Variants in ASH1L observed in about 807,000 individuals in gnomAD.
ASH1L encodes ASH1 like histone lysine methyltransferase.
ASH1L carries 23 observed loss-of-function variants against 269.0 expected under a neutral mutation model. The observed-to-expected ratio is 0.09, with a 90% CI of 0.06 to 0.12. The LOEUF (loss-of-function observed/expected upper bound fraction) is 0.12. Ranked by LOEUF, ASH1L falls within the 10% of genes least tolerant of loss-of-function variation. The pLI, the probability that ASH1L is intolerant of heterozygous loss-of-function variation, is 1.00. For synonymous variants in ASH1L, 1,187 were observed against 1,253.5 expected (o/e 0.95, Z 1.12); for missense variants, 2,912 against 3,567.8 (o/e 0.82, Z 4.68).
At chr1:155,509,214 T>A (rs1174650093) in intron 2 of ASH1L, among the ~76,000 whole-genome samples, 1 of 152,110 alleles carries the variant, frequency 6.6e-6, no homozygotes, top group Non-Finnish European at 1.5e-5. Flanking sequence ...GTGCCATGGC[T>A]CACACCTGTA....
chr1:155,428,295 G>A lies in ASH1L; in HGVS notation c.5828+10032C>T, dbSNP rs548880816. ...CTCTACTAAAAGTACAAAAAAATTA[G>A]CCGGGTGTGGTGGTGGGCGCCTCTA... On this transcript the variant is annotated intron_variant, in intron 5 of 27. Coordinates refer to ENST00000392403, the MANE Select transcript of ASH1L (RefSeq NM_018489.3). 2.5e-4 allele frequency among the ~76,000 whole-genome samples: 38 copies of A among 151,838 alleles called. No individual in the cohort carries two copies. The South Asian group carries it at 7.7e-3, about 31-fold the overall frequency.
intron 10 of ASH1L, among the ~76,000 whole-genome samples, chr1:155,377,526 T>C (rs1272682284): frequency 6.6e-6 from 1 of 151,954 alleles, no homozygotes; most frequent in East Asian, 1.9e-4. Flanking sequence ...GCCCAGGAGT[T>C]TGAATCCAGC....
intron 4 of ASH1L, among the ~76,000 whole-genome samples, chr1:155,443,296 C>T (rs1380414687): frequency 1.3e-5 from 2 of 152,150 alleles, no homozygotes; most frequent in African/African-American, 4.8e-5. Context: ...GGCCATTCAC[C>T]TAGAGCTATT....
chr1:155,446,150 C>T (rs1018045014), intron 4 of ASH1L, among the ~76,000 whole-genome samples: 2 of 151,148 alleles, frequency 1.3e-5, no homozygotes, highest in African/African-American at 2.4e-5. Flanking sequence ...TCCCAAACTG[C>T]TGGGATTACA....
At chr1:155,414,290 T>C (rs945134112) in intron 6 of ASH1L, among the ~76,000 whole-genome samples, 5 of 152,124 alleles carry the variant, frequency 3.3e-5, no homozygotes, top group Non-Finnish European at 4.4e-5. Flanking sequence ...TTTTATTTCC[T>C]ATAGCAAAAT....
Position 155,527,314 on chromosome 1 carries a change from A to G in ASH1L, c.-99-5696T>C, listed in dbSNP as rs193206607. 2.0e-5 allele frequency among the ~76,000 whole-genome samples: 3 copies of G among 152,122 alleles called. No homozygotes were observed. The East Asian group carries it at 5.8e-4, about 29-fold the overall frequency. On this transcript the variant is annotated intron_variant, in intron 1 of 27. Transcript: ENST00000392403. ...ATTGTTAGAATTCTCTATATTGTCT[A>G]TTCTCCCTGACCTCCAATCCTTGCT...
In ASH1L at chr1:155,464,327, C is replaced by T. The variant is rs182069124; in HGVS notation, c.4985-4429G>A. Among the ~76,000 whole-genome samples the T allele has an allele frequency of 1.3e-3, 203 of 152,264 alleles. 1 individual carries two copies. The highest frequency in any genetic ancestry group is 4.4e-3 in the African/African-American group (184 of 41,546). Reference sequence around the variant, plus strand: ...ATATCAAAGAGTTCCCATCATTTTTCATTTCAAAATACTATAAAGCAGAAT... The same window carrying T: ...ATATCAAAGAGTTCCCATCATTTTTTATTTCAAAATACTATAAAGCAGAAT... On this transcript the variant is annotated intron_variant, in intron 3 of 27. Transcript: ENST00000392403.
intron 4 of ASH1L, among the ~76,000 whole-genome samples, chr1:155,455,738 C>T (rs1359555301): frequency 6.6e-6 from 1 of 152,154 alleles, no homozygotes; most frequent in Non-Finnish European, 1.5e-5. Context: ...GCATTTGGCT[C>T]TGCAATGCAA....
At chr1:155,558,614 G>A (rs990707687) in intron 1 of ASH1L, among the ~76,000 whole-genome samples, 1 of 152,110 alleles carries the variant, frequency 6.6e-6, no homozygotes, top group African/African-American at 2.4e-5. Context: ...CACCACCATA[G>A]CTCACAGCAG....
intron 1 of ASH1L, among the ~76,000 whole-genome samples, chr1:155,524,287 C>A (rs1409750139): frequency 6.6e-6 from 1 of 152,072 alleles, no homozygotes; most frequent in Non-Finnish European, 1.5e-5. Context: ...CTTTGGGAGG[C>A]TGACGGGGCG....
chr1:155,558,486 A>T lies in ASH1L; in HGVS notation c.-100+3667T>A, dbSNP rs1200453560. 2.6e-5 allele frequency among the ~76,000 whole-genome samples: 4 copies of T among 152,252 alleles called. No individual in the cohort carries two copies. The East Asian group carries it at 7.7e-4, about 29-fold the overall frequency. On this transcript the variant is annotated intron_variant, in intron 1 of 27. Coordinates refer to ENST00000392403, the MANE Select transcript of ASH1L (RefSeq NM_018489.3). ...AACTCTCTCTCAAAAAAAAAAATTT[A>T]AAAAGTGATGTGCTGTATTCTATTT...
chr1:155,337,565 G>T lies in ASH1L; in HGVS notation c.*95C>A. 1 of 1,037,004 alleles carries T rather than the reference G, an allele frequency of 9.6e-7. No homozygotes were observed. The highest frequency in any genetic ancestry group is 1.5e-6 in the Non-Finnish European group (1 of 668,690). The allele number at this position is 1,037,004 out of a possible 1,614,324, so 64.2% of individuals were successfully genotyped here. ...TGGCCCCATTCCCCTTGCCCAGATG[G>T]ACCCTTCCCACCCCTGTCTATACCC... On this transcript the variant is annotated 3_prime_UTR_variant, in exon 28 of 28. Coordinates refer to ENST00000392403, the MANE Select transcript of ASH1L (RefSeq NM_018489.3).
chr1:155,414,412 C>T (rs1019020824), intron 6 of ASH1L, among the ~76,000 whole-genome samples: 2 of 152,052 alleles, frequency 1.3e-5, no homozygotes, highest in South Asian at 2.1e-4. Flanking sequence ...CAGGTTCAAG[C>T]GATTCTCCTG....
chr1:155,523,768 G>A (rs1377030659), intron 1 of ASH1L, among the ~76,000 whole-genome samples: 1 of 152,162 alleles, frequency 6.6e-6, no homozygotes, highest in Non-Finnish European at 1.5e-5. Context: ...CTACTCAGGA[G>A]GCTGAGGCAT....
chr1:155,551,812 A>T (rs898787003), intron 1 of ASH1L, among the ~76,000 whole-genome samples: 34 of 122,562 alleles, frequency 2.8e-4, no homozygotes, highest in East Asian at 4.8e-4. Context: ...TACTAAAGAT[A>T]AAAAAAAAAA....
At chr1:155,357,845 A>C in intron 13 of ASH1L, 96 bp from the exon 14 acceptor site, 2 of 1,221,908 alleles carry the variant, frequency 1.6e-6, no homozygotes, top group Non-Finnish European at 2.2e-6. Flanking sequence ...ATCATGGCTC[A>C]CTGCAGTCTC....
chr1:155,444,856 A>T lies in ASH1L; in HGVS notation c.5087-5788T>A, dbSNP rs1456151427. Among the ~76,000 whole-genome samples, 3 of 140,224 alleles carry T rather than the reference A, an allele frequency of 2.1e-5. 1 individual carries two copies. The highest frequency in any genetic ancestry group is 1.0e-4 in the African/African-American group (3 of 30,036). 92.0% of individuals were successfully genotyped at this position (140,224 alleles called of 152,430 possible). A position where few individuals can be genotyped will look rare whatever the true frequency, so the allele number is the denominator to read the frequency against. The stretch of plus-strand genomic sequence containing the variant: ...ATGGTCTCGATCTCTTGACCTCGTG[A>T]TCCGCCCGCCTCGGCCTCCCAAAGT... On this transcript the variant is annotated intron_variant, in intron 4 of 27. Coordinates refer to ENST00000392403, the MANE Select transcript of ASH1L (RefSeq NM_018489.3).
chr1:155,536,171 A>T (rs1670042872), intron 1 of ASH1L, among the ~76,000 whole-genome samples: 1 of 152,192 alleles, frequency 6.6e-6, no homozygotes, highest in African/African-American at 2.4e-5. Flanking sequence ...CCAAAAAGTA[A>T]GTGCGAAGGT....
At chr1:155,386,254 G>C (rs1236003873) in intron 7 of ASH1L, among the ~76,000 whole-genome samples, 4 of 151,966 alleles carry the variant, frequency 2.6e-5, no homozygotes, top group Non-Finnish European at 5.9e-5. Flanking sequence ...ATTTTAAGTA[G>C]AGACAGGGTT....
Sources: allele counts gnomAD v4.1 joint callset (sites outside exome capture counted in the v4.1 genomes callset), GRCh38; gene constraint gnomAD v4.1.1; transcripts MANE v1.5; gene names NCBI Gene and HGNC (gene_info 2026-07-23, HGNC 2026-07-21).